Variants in DEF8 observed in about 807,000 individuals in gnomAD.
The protein encoded by DEF8 is differentially expressed in FDCP 8 homolog.
In DEF8, 38 loss-of-function variants were observed where a neutral mutation model predicts 59.1. That is an observed-to-expected ratio of 0.64 (90% CI 0.50 to 0.84). The LOEUF (loss-of-function observed/expected upper bound fraction) is 0.84, where lower values mean the gene tolerates loss of function less well. Among genes scored for constraint, DEF8 ranks in the 40% least tolerant of loss-of-function variants. The pLI is 0.00. For synonymous variants in DEF8, 265 were observed against 250.1 expected (o/e 1.06, Z -0.56); for missense variants, 557 against 615.2 (o/e 0.91, Z 1.00).
At chr16:89,953,511 A>G (rs2032575722) in intron 2 of DEF8, among the ~76,000 whole-genome samples, 1 of 152,178 alleles carries the variant, frequency 6.6e-6, no homozygotes, top group African/African-American at 2.4e-5. Flanking sequence ...TGGGTTCCTG[A>G]GGCACAGAGC....
intron 2 of DEF8, among the ~76,000 whole-genome samples, chr16:89,950,783 C>T (rs1567780923): frequency 6.8e-6 from 1 of 147,996 alleles, no homozygotes; most frequent in East Asian, 1.9e-4. Context: ...AGTTTGAGAC[C>T]AGCCTGGGCA....
Position 89,966,196 on chromosome 16 carries a change from G to A in DEF8, c.*233G>A, listed in dbSNP as rs895386671. 8.2e-5 allele frequency: 38 copies of A among 463,166 alleles called. No homozygotes were observed. Among genetic ancestry groups the A allele is most frequent in the African/African-American group, 4.2e-4 (21 of 49,976 alleles). The allele number at this position is 463,166 out of a possible 1,614,324, so 28.7% of individuals were successfully genotyped here. ...GTGTGCTGCTGTGAGGGGTCCTTGC[G>A]TGGCCCCCATCCTTCCCCCAATGCA... is the stretch of plus-strand genomic sequence containing the variant. On this transcript the variant is annotated 3_prime_UTR_variant, in exon 13 of 13. Transcript: ENST00000563594.
At chr16:89,950,344 G>C (rs1597449831) in intron 2 of DEF8, 2 of 984,278 alleles carry the variant, frequency 2.0e-6, no homozygotes, top group Admixed American at 1.2e-4. Context: ...TGTTCCCCCT[G>C]ATTTATAGGC....
intron 5 of DEF8, chr16:89,958,431 A>C (rs951848257): frequency 1.3e-5 from 2 of 156,390 alleles, no homozygotes; most frequent in Middle Eastern, 3.4e-3. Context: ...TTCCTGATGC[A>C]GTCCTTGGGT....
At chr16:89,962,722 C>G (rs1248840623) in intron 9 of DEF8, among the ~76,000 whole-genome samples, 3 of 152,250 alleles carry the variant, frequency 2.0e-5, no homozygotes, top group Admixed American at 6.5e-5. Context: ...CCCAATATAT[C>G]CAAAATGTTA....
chr16:89,949,774 G>A, intron 2 of DEF8: 2 of 878,626 alleles, frequency 2.3e-6, no homozygotes, highest in Non-Finnish European at 3.4e-6. Context: ...TCTAGAGGAG[G>A]GGCAGGGGGT....
rs535026496 is a variant in DEF8, at chr16:89,954,786, C to T, written c.125-383C>T. On this transcript the variant is annotated intron_variant, in intron 3 of 12. Coordinates refer to ENST00000563594, the MANE Select transcript of DEF8 (RefSeq NM_001242818.2). The surrounding 1 kb of genome is among the most constrained non-coding windows in gnomAD (Gnocchi z 4.3). ...GCTTGGAGCGGGGCAGCTGCAGAGA[C>T]GGCCTGGAGTCGACACTGGGGTTCG... Among the ~76,000 whole-genome samples, 2 of 152,172 alleles carry T rather than the reference C, an allele frequency of 1.3e-5. No individual in the cohort carries two copies. The highest frequency in any genetic ancestry group is 4.8e-5 in the African/African-American group (2 of 41,434).
chr16:89,956,583 G>GC (rs926606833), intron 4 of DEF8: 31 of 151,670 alleles, frequency 2.0e-4, no homozygotes, highest in African/African-American at 7.3e-4. Context: ...ATGGCTCACT[G>GC]CAGCCTCGAC....
rs1240404063 is a variant in DEF8, at chr16:89,959,132, T to C, written c.491T>C (p.Ile164Thr). 1.9e-6 allele frequency: 3 copies of C among 1,613,878 alleles called. No homozygotes were observed. The highest frequency in any genetic ancestry group is 2.5e-6 in the Non-Finnish European group (3 of 1,180,010). Residue 164 changes from isoleucine to threonine, a missense_variant, in exon 6 of 13, where the codon ATT becomes ACT. By Grantham distance (89) the Ile-to-Thr change is moderately conservative. Coordinates refer to ENST00000563594, the MANE Select transcript of DEF8 (RefSeq NM_001242818.2). ...DKCNTIIWGL[I>T]QTWYTCTGCY... ...TGTAACACCATCATCTGGGGGCTCA[T>C]TCAGACCTGGTACACCTGCACAGGT...
intron 2 of DEF8, chr16:89,952,700 T>G (rs2032395317): frequency 6.6e-6 from 1 of 152,152 alleles, no homozygotes; most frequent in African/African-American, 2.4e-5. Context: ...GAGAAGGAGG[T>G]GGGACTGGGG....
intron 6 of DEF8, among the ~76,000 whole-genome samples, chr16:89,960,070 A>G (rs2033821041): frequency 6.6e-6 from 1 of 151,792 alleles, no homozygotes; most frequent in African/African-American, 2.4e-5. Flanking sequence ...TGTGGTTGAT[A>G]TAAGGAGGAG....
At chr16:89,958,731 C>T (rs1259595051) in intron 5 of DEF8, among the ~76,000 whole-genome samples, 1 of 152,222 alleles carries the variant, frequency 6.6e-6, no homozygotes, top group Non-Finnish European at 1.5e-5. Context: ...CGCTCCCGCT[C>T]ACATGCCCAT....
intron 2 of DEF8, chr16:89,950,249 A>G: frequency 8.1e-6 from 8 of 985,798 alleles, no homozygotes; most frequent in Non-Finnish European, 9.6e-6. Flanking sequence ...TGACAGTGCC[A>G]GTCTGTTCTG....
At chr16:89,950,917 G>T (rs1267452258) in intron 2 of DEF8, among the ~76,000 whole-genome samples, 2 of 152,188 alleles carry the variant, frequency 1.3e-5, no homozygotes, top group South Asian at 2.1e-4. Flanking sequence ...GGAGTTTGAG[G>T]CTGCAGTGAG....
chr16:89,963,247 C>A, intron 9 of DEF8, 116 bp from the exon 10 acceptor site: 1 of 765,010 alleles, frequency 1.3e-6, no homozygotes, highest in Non-Finnish European at 2.1e-6. Flanking sequence ...CAGATCTCGG[C>A]CCTTCGTGGG....
At chr16:89,953,187 TTC>T (rs2032510517) in intron 2 of DEF8, among the ~76,000 whole-genome samples, 1 of 152,224 alleles carries the variant, frequency 6.6e-6, no homozygotes, top group South Asian at 2.1e-4. Context: ...ATCTCCGACT[TTC>T]TATAACATCA....
intron 2 of DEF8, among the ~76,000 whole-genome samples, chr16:89,953,752 T>A (rs1015151052): frequency 1.3e-5 from 2 of 152,090 alleles, no homozygotes; most frequent in Admixed American, 6.5e-5. Context: ...GGGGCTGTGG[T>A]TTCAGGGTGC....
chr16:89,958,259 C>G (rs1438660329), intron 5 of DEF8: 1 of 152,186 alleles, frequency 6.6e-6, no homozygotes, highest in Non-Finnish European at 1.5e-5. Context: ...GCCCACTGAC[C>G]CAATGACGGT....
intron 5 of DEF8, chr16:89,958,549 G>GA (rs985993469): frequency 8.0e-4 from 136 of 170,362 alleles, no homozygotes; most frequent in South Asian, 2.2e-3. Context: ...TTGGTGGTAA[G>GA]AAAAAAAAAC....
Sources: gnomAD v4.1 joint callset for allele counts (sites outside exome capture counted in the v4.1 genomes callset) on GRCh38, gnomAD v4.1.1 for gene constraint, Gnocchi (gnomAD v3.1) non-coding constraint, MANE v1.5 for transcripts, NCBI Gene and HGNC (gene_info 2026-07-23, HGNC 2026-07-21) for gene names.